The following CREBBP variants were observed in gnomAD, a reference collection of about 807,000 sequenced individuals.
The protein encoded by CREBBP is CREB binding lysine acetyltransferase.
CREBBP carries 19 observed loss-of-function variants against 265.0 expected under a neutral mutation model. That is an observed-to-expected ratio of 0.07 (90% CI 0.05 to 0.11). CREBBP has a LOEUF of 0.11. CREBBP is among the 10% of genes least tolerant of loss of function. The pLI is 1.00. For missense variants in CREBBP, 2,525 were observed against 3,219.0 expected (o/e 0.78, Z 5.22); for synonymous variants, 1,457 against 1,223.7 (o/e 1.19, Z -3.98).
rs2052982563 is a variant in CREBBP, at chr16:3,770,735, T to C, written c.2715A>G (p.Ser905=). ...SGQTPTPTPG[S]VPSATQTQST... is the part of the protein sequence containing the mutation. ...TCTGGGTTTGGGTAGCACTGGGCACTGAGCCAGGAGTCGGGGTGGGAGTCT... is the reference window on the plus strand; with the variant it reads ...TCTGGGTTTGGGTAGCACTGGGCACCGAGCCAGGAGTCGGGGTGGGAGTCT... Residue 905 remains serine, a synonymous_variant, in exon 14 of 31, where the codon TCA becomes TCG. Coordinates refer to ENST00000262367, the MANE Select transcript of CREBBP (RefSeq NM_004380.3). 1 of 1,613,974 alleles carries C rather than the reference T, an allele frequency of 6.2e-7. No homozygotes were observed. The highest frequency in any genetic ancestry group is 1.7e-5 in the Admixed American group (1 of 60,000).
chr16:3,823,670 T>G (rs138904438), intron 2 of CREBBP, among the ~76,000 whole-genome samples: 1 of 152,272 alleles, frequency 6.6e-6, no homozygotes, highest in Non-Finnish European at 1.5e-5. Flanking sequence ...CTGTTTGAAC[T>G]CTGGTTCAAA....
At chr16:3,858,405 G>T (rs2055006387) in intron 1 of CREBBP, among the ~76,000 whole-genome samples, 1 of 152,104 alleles carries the variant, frequency 6.6e-6, no homozygotes, top group South Asian at 2.1e-4. Context: ...GACAGGACTG[G>T]TCTATCACAC....
At chr16:3,832,710 T>C (rs2054367071) in intron 2 of CREBBP, among the ~76,000 whole-genome samples, 1 of 152,342 alleles carries the variant, frequency 6.6e-6, no homozygotes, top group South Asian at 2.1e-4. Flanking sequence ...GTTGTATATG[T>C]AGTCTGCTGC....
At chr16:3,819,843 C>T (rs1422681709) in intron 2 of CREBBP, among the ~76,000 whole-genome samples, 1 of 152,112 alleles carries the variant, frequency 6.6e-6, no homozygotes, top group Non-Finnish European at 1.5e-5. Context: ...CATAGAAGAA[C>T]TGAACATGAA....
At chr16:3,752,149 A>G (rs2052489035) in intron 19 of CREBBP, among the ~76,000 whole-genome samples, 1 of 152,212 alleles carries the variant, frequency 6.6e-6, no homozygotes, top group Admixed American at 6.5e-5. Flanking sequence ...GTCCGGCTCC[A>G]AGAGGCAAAT....
chr16:3,823,156 T>A (rs1281228586), intron 2 of CREBBP, among the ~76,000 whole-genome samples: 1 of 152,220 alleles, frequency 6.6e-6, no homozygotes, highest in Non-Finnish European at 1.5e-5. Flanking sequence ...AAGCAAATGT[T>A]CTTTCTTAAT....
In CREBBP at chr16:3,740,473, T is replaced by C; in HGVS notation, c.4059A>G (p.Glu1353=). ...NKFLRRQNHP[E]AGEVFVRVVA... ...CCACTCGGACAAAAACCTCCCCGGC[T>C]TCAGGGTGATTCTGGCGCCGCAAAA... Residue 1353 remains glutamate, a synonymous_variant, in exon 24 of 31, where the codon GAA becomes GAG. Transcript: ENST00000262367. 6.2e-7 allele frequency: 1 copy of C among 1,614,140 alleles called. No homozygotes were observed.
intron 2 of CREBBP, among the ~76,000 whole-genome samples, chr16:3,835,149 A>G (rs1416601056): frequency 6.6e-6 from 1 of 152,002 alleles, no homozygotes; most frequent in African/African-American, 2.4e-5. Flanking sequence ...AAAGAGCGAG[A>G]CTCCTTCTCC....
Position 3,758,022 on chromosome 16 carries a change from G to A in CREBBP, c.3396C>T (p.Pro1132=), listed in dbSNP as rs749030378. The A allele has an allele frequency of 6.2e-7, 1 of 1,612,648 alleles. No homozygotes were observed. The highest frequency in any genetic ancestry group is 8.5e-7 in the Non-Finnish European group (1 of 1,179,954). ...TCCGCTTGATGGTGGAGAGGTCCAT[G>A]GGATTCTTTACGATGTCAAAATAGT... ...IPDYFDIVKN[P]MDLSTIKRKL... is the part of the protein sequence containing the mutation. Residue 1132 remains proline (P), a synonymous_variant, in exon 18 of 31, where the codon CCC becomes CCT. Coordinates refer to ENST00000262367, the MANE Select transcript of CREBBP (RefSeq NM_004380.3).
intron 22 of CREBBP, 90 bp downstream of exon 22, chr16:3,745,187 A>C (rs2052311996): frequency 8.3e-7 from 1 of 1,209,134 alleles, no homozygotes; most frequent in Non-Finnish European, 1.2e-6. Flanking sequence ...ATTCTTGCTG[A>C]CAACAATGAA....
At chr16:3,783,984 T>C (rs2141256342) in intron 5 of CREBBP, among the ~76,000 whole-genome samples, 1 of 152,360 alleles carries the variant, frequency 6.6e-6, no homozygotes, top group East Asian at 1.9e-4. Context: ...AATGCTGTTG[T>C]GTGAAAATTT....
intron 4 of CREBBP, 49 bp downstream of exon 4, chr16:3,793,337 C>A (rs1455264362): frequency 1.9e-6 from 3 of 1,612,660 alleles, no homozygotes; most frequent in Non-Finnish European, 2.5e-6. Context: ...ACAATAAAGG[C>A]AAATTCTTCC....
chr16:3,739,619 G>A lies in CREBBP; in HGVS notation c.4239C>T (p.His1413=), dbSNP rs770916337. ...GGCAATCAGAGCCGTATTCTTGGACGTGCATTCCAAAAAAGCAGACATCCA... is the reference window on the plus strand; with the variant it reads ...GGCAATCAGAGCCGTATTCTTGGACATGCATTCCAAAAAAGCAGACATCCA... ...DGVDVCFFGM[H]VQEYGSDCPP... Residue 1413 remains histidine (H), a synonymous_variant, in exon 25 of 31, where the codon CAC becomes CAT. Transcript: ENST00000262367. 11 of 1,614,034 alleles carry A rather than the reference G, an allele frequency of 6.8e-6. No homozygotes were observed. Among genetic ancestry groups the A allele is most frequent in the African/African-American group, 6.7e-5 (5 of 74,902 alleles).
chr16:3,764,727 G>A (rs1403077662), intron 16 of CREBBP, among the ~76,000 whole-genome samples: 3 of 151,746 alleles, frequency 2.0e-5, no homozygotes, highest in Non-Finnish European at 4.4e-5. Context: ...AGGACTACAG[G>A]CATGCACCAC....
At position 3,773,799 on chromosome 16, in the gene CREBBP, C is replaced by G. The variant is rs368664039; in HGVS notation, c.2415G>C (p.Ala805=). The change falls in exon 13 of 31, where the codon GCG becomes GCC. Residue 805 remains alanine, a synonymous_variant. Coordinates refer to ENST00000262367, the MANE Select transcript of CREBBP (RefSeq NM_004380.3). ...GCGGCTGCCCCATGCCCACACTCATCGCCCCGCTGGATGACGGGAACTGGT... is the reference window on the plus strand; with the variant it reads ...GCGGCTGCCCCATGCCCACACTCATGGCCCCGCTGGATGACGGGAACTGGT... The part of the protein sequence containing the change: ...PQNQFPSSSG[A]MSVGMGQPPA... The G allele has an allele frequency of 2.0e-5, 33 of 1,613,632 alleles. 1 individual carries two copies. Among genetic ancestry groups the G allele is most frequent in the South Asian group, 2.0e-4 (18 of 91,052 alleles).
Position 3,770,684 on chromosome 16 carries a change from G to C in CREBBP, c.2766C>G (p.Ala922=), listed in dbSNP as rs1295464723. The C allele has an allele frequency of 1.2e-6, 2 of 1,614,102 alleles. No individual in the cohort carries two copies. Among genetic ancestry groups the C allele is most frequent in the South Asian group, 1.1e-5 (1 of 91,084 alleles). ...GAGGCTGCGGGGTCACCTGGGCCTG[G>C]GCTGCTGCCTGGACTGTAGGGGTGC... The part of the protein sequence containing the change: ...TQSTPTVQAA[A]QAQVTPQPQT... The change falls in exon 14 of 31, where the codon GCC becomes GCG. Residue 922 remains alanine, a synonymous_variant. Coordinates refer to ENST00000262367, the MANE Select transcript of CREBBP (RefSeq NM_004380.3).
chr16:3,862,321 A>G (rs1229273555), intron 1 of CREBBP, among the ~76,000 whole-genome samples: 2 of 151,986 alleles, frequency 1.3e-5, no homozygotes, highest in Admixed American at 1.3e-4. Flanking sequence ...GCTGTGGGGA[A>G]CTTCAAGGGA....
intron 2 of CREBBP, among the ~76,000 whole-genome samples, chr16:3,829,159 A>G (rs997778914): frequency 6.6e-6 from 1 of 152,218 alleles, no homozygotes; most frequent in African/African-American, 2.4e-5. Context: ...TTGTATAAAT[A>G]TAACTCTTTT....
intron 23 of CREBBP, chr16:3,743,525 G>A (rs2052267078): frequency 2.0e-5 from 3 of 152,108 alleles, no homozygotes; most frequent in African/African-American, 7.2e-5. Context: ...CTCCCCAAAT[G>A]ACCCTGGTTC....
Sources: allele counts gnomAD v4.1 joint callset (sites outside exome capture counted in the v4.1 genomes callset), GRCh38; gene constraint gnomAD v4.1.1; transcripts MANE v1.5; gene names NCBI Gene and HGNC (gene_info 2026-07-23, HGNC 2026-07-21).